Variants in TMEM80 observed in about 807,000 individuals in gnomAD.
TMEM80 encodes transmembrane protein 80.
TMEM80 carries 16 observed loss-of-function variants against 13.6 expected under a neutral mutation model. That is an observed-to-expected ratio of 1.17 (90% CI 0.79 to 1.78). TMEM80 has a LOEUF of 1.78. TMEM80 is among the 40% of genes most tolerant of loss of function. The pLI is 0.00. For synonymous variants in TMEM80, 92 were observed against 89.5 expected (o/e 1.03, Z -0.16); for missense variants, 167 against 184.6 (o/e 0.90, Z 0.55).
At chr11:698,064 G>A (rs908691871) in intron 1 of TMEM80, 2 of 152,296 alleles carry the variant, frequency 1.3e-5, no homozygotes, top group African/African-American at 4.8e-5. Flanking sequence ...CAGCGGTGCA[G>A]CTTGAGCCTC....
intron 1 of TMEM80, 21 bp from the exon 2 acceptor site, chr11:698,848 C>A: frequency 6.2e-7 from 1 of 1,614,120 alleles, no homozygotes; most frequent in Middle Eastern, 1.6e-4. Context: ...AGGCCTTGCT[C>A]ACGGCCCCTT....
chr11:703,204 T>A lies in TMEM80; in HGVS notation c.*54T>A, dbSNP rs557591179. The A allele has an allele frequency of 2.4e-5, 36 of 1,529,724 alleles. No homozygotes were observed. The African/African-American group carries it at 4.1e-4, about 17-fold the overall frequency. The allele number at this position is 1,529,724 out of a possible 1,614,324, so 94.8% of individuals were successfully genotyped here. On this transcript the variant is annotated 3_prime_UTR_variant, in exon 5 of 5. Coordinates refer to ENST00000397510, the MANE Select transcript of TMEM80 (RefSeq NM_001042463.3). ...GGGCCCTCCTCCTGGGCCTGACCAG[T>A]CCCCCAGCTGTCACCTCCCCATTCC...
intron 1 of TMEM80, among the ~76,000 whole-genome samples, chr11:696,453 C>T (rs1861166008): frequency 6.6e-6 from 1 of 152,154 alleles, no homozygotes; most frequent in Non-Finnish European, 1.5e-5. Flanking sequence ...CTCTAGTAAC[C>T]AGGTTTGTTT....
downstream of TMEM80, chr11:704,324 C>T (rs992573872): frequency 7.6e-6 from 6 of 786,512 alleles, no homozygotes; most frequent in South Asian, 3.2e-5. Flanking sequence ...GGGGCTCCCT[C>T]GGCTGGGGTG....
At chr11:696,692 G>A (rs11602696) in intron 1 of TMEM80, among the ~76,000 whole-genome samples, 1 of 3,212 alleles carries the variant, frequency 3.1e-4, no homozygotes, top group African/African-American at 6.5e-4. Context: ...CTTGAGCCCA[G>A]GAGGTCGAGG....
intron 1 of TMEM80, chr11:697,941 C>T (rs1861274448): frequency 6.6e-6 from 1 of 152,258 alleles, no homozygotes; most frequent in Non-Finnish European, 1.5e-5. Flanking sequence ...GCCCAAGAAG[C>T]TGTGGGATCA....
At chr11:701,406 CTTTTTTT>C (rs71022955) in intron 4 of TMEM80, among the ~76,000 whole-genome samples, 3 of 64,900 alleles carry the variant, frequency 4.6e-5, no homozygotes, top group African/African-American at 6.2e-5. Context: ...GACAAGGTTT[CTTTTTTT>C]TTTTTTTTTT....
At chr11:701,028 C>T in intron 4 of TMEM80, 1 of 418,094 alleles carries the variant, frequency 2.4e-6, no homozygotes, top group Non-Finnish European at 4.4e-6. Flanking sequence ...GAATATTCAC[C>T]AGCACCCCTT....
chr11:698,730 A>AC, intron 1 of TMEM80, 139 bp from the exon 2 acceptor site: 1 of 981,810 alleles, frequency 1.0e-6, no homozygotes, highest in South Asian at 1.3e-5. Context: ...TGGCAGGCCC[A>AC]CGGTATATGT....
intron 4 of TMEM80, chr11:701,274 G>T: frequency 6.5e-6 from 1 of 154,322 alleles, no homozygotes; most frequent in South Asian, 2.0e-4. Context: ...TGACCTCCTG[G>T]GCTTGAGCGA....
At chr11:698,643 C>T (rs546375917) in intron 1 of TMEM80, among the ~76,000 whole-genome samples, 1 of 152,158 alleles carries the variant, frequency 6.6e-6, no homozygotes, top group Non-Finnish European at 1.5e-5. Context: ...TACTCGCTGT[C>T]TCCAGCCTCA....
intron 2 of TMEM80, chr11:699,256 C>G: frequency 3.4e-6 from 1 of 296,636 alleles, no homozygotes. Flanking sequence ...ACAGAGCCTT[C>G]CTCTCACCCA....
At position 700,807 on chromosome 11, in the gene TMEM80, A is replaced by G. The variant is rs926212619; in HGVS notation, c.226+100A>G. 1.5e-5 allele frequency: 17 copies of G among 1,154,880 alleles called. No homozygotes were observed. In the Admixed American group the frequency reaches 2.9e-4, roughly 20 times the overall value. The allele number at this position is 1,154,880 out of a possible 1,614,324, so 71.5% of individuals were successfully genotyped here. ...TTATTTTATAGTGTGGTTCTCAGAG[A>G]CATTTTTTATCCAAACTGCTTACCC... On this transcript the variant is annotated intron_variant, in intron 4 of 4. Transcript: ENST00000397510.
At position 702,030 on chromosome 11, in the gene TMEM80, C is replaced by T. The variant is rs868168095; in HGVS notation, c.227-915C>T. ...GGGAACGCAATGGGCACTTCCAGGG[C>T]GCTGTGCCCCTGCCAGGCTGGAATC... On this transcript the variant is annotated intron_variant, in intron 4 of 4. Coordinates refer to ENST00000397510, the MANE Select transcript of TMEM80 (RefSeq NM_001042463.3). Among the ~76,000 whole-genome samples the T allele has an allele frequency of 5.3e-5, 8 of 152,320 alleles. No homozygotes were observed. The South Asian group carries it at 6.2e-4, about 12-fold the overall frequency.
downstream of TMEM80, chr11:704,342 C>T: frequency 1.2e-6 from 1 of 867,108 alleles, no homozygotes; most frequent in Non-Finnish European, 1.6e-6. Flanking sequence ...GTGGCTGTGG[C>T]TGTGGCACCT....
intron 3 of TMEM80, 79 bp from the exon 4 acceptor site, chr11:700,536 A>AG (rs1861402535): frequency 9.8e-6 from 12 of 1,228,016 alleles, no homozygotes; most frequent in Non-Finnish European, 1.4e-5. Flanking sequence ...CAAAAAAAAA[A>AG]AAAAGGAAAA....
At chr11:704,565 C>G (rs746818965), downstream of TMEM80, 4 of 1,289,180 alleles carry the variant, frequency 3.1e-6, no homozygotes, top group Non-Finnish European at 4.0e-6. Flanking sequence ...CACCTGCCAT[C>G]TGGAGGACCC....
rs1371041906 is a variant in TMEM80, at chr11:695,850, A to G, written c.19+4A>G. On this transcript the variant is annotated splice_donor_region_variant and intron_variant, in intron 1 of 4. Transcript: ENST00000397510. ...AAGATGGCGGCCCCGCGGCGAGGTG[A>G]GCTCGGGCGGGGTGGGGGCTTCCGG... 4 of 1,228,390 alleles carry G rather than the reference A, an allele frequency of 3.3e-6. No individual in the cohort carries two copies. Among genetic ancestry groups the G allele is most frequent in the Admixed American group, 4.2e-5 (1 of 23,594 alleles). The allele number at this position is 1,228,390 out of a possible 1,614,324, so 76.1% of individuals were successfully genotyped here.
chr11:704,247 G>T, downstream of TMEM80: 2 of 793,660 alleles, frequency 2.5e-6, no homozygotes, highest in Non-Finnish European at 3.4e-6. Flanking sequence ...GGCCCTGGCT[G>T]CCGGGCGCCT....
Sources: allele counts gnomAD v4.1 joint callset (sites outside exome capture counted in the v4.1 genomes callset), GRCh38; gene constraint gnomAD v4.1.1; transcripts MANE v1.5; gene names NCBI Gene and HGNC (gene_info 2026-07-23, HGNC 2026-07-21).